Variants in DNAJC15 observed in about 807,000 individuals in gnomAD.
DNAJC15 encodes the protein DnaJ heat shock protein family (Hsp40) member C15, also known as dnaJ homolog subfamily C member 15.
In DNAJC15, 27 loss-of-function variants were observed where a neutral mutation model predicts 22.4. The observed-to-expected ratio is 1.20, with a 90% CI of 0.89 to 1.66. DNAJC15 has a LOEUF of 1.66. DNAJC15 is among the 40% of genes most tolerant of loss of function. The pLI is 0.00. For missense variants in DNAJC15, 208 were observed against 187.1 expected, an observed-to-expected ratio of 1.11 and a Z score of -0.65; for synonymous variants, 79 against 63.2, an observed-to-expected ratio of 1.25 and a Z score of -1.19.
chr13:43,043,424 A>G (rs2040462758), intron 1 of DNAJC15, among the ~76,000 whole-genome samples: 1 of 152,204 alleles, frequency 6.6e-6, no homozygotes, highest in South Asian at 2.1e-4. Context: ...AGCTTCTTAT[A>G]TTATGAGAAA....
At chr13:43,101,976 G>C (rs374630540) in intron 5 of DNAJC15, among the ~76,000 whole-genome samples, 2 of 152,080 alleles carry the variant, frequency 1.3e-5, no homozygotes, top group African/African-American at 4.8e-5. Flanking sequence ...TCAAATGGCA[G>C]GTCTTTTAGT....
chr13:43,107,291 G>GAAAAA lies in DNAJC15; in HGVS notation c.*51_*55dup. ...GAAGGAAAAAAAAAGAGGGGACTTC[G>GAAAAA]AAAAAAAAAAAAGCCCTGCAAAATA... On this transcript the variant is annotated 3_prime_UTR_variant, in exon 6 of 6. Transcript: ENST00000379221. 8.1e-7 allele frequency: 1 copy of GAAAAA among 1,235,512 alleles called. No individual in the cohort carries two copies. The highest frequency in any genetic ancestry group is 1.1e-6 in the Non-Finnish European group (1 of 941,072). The allele number at this position is 1,235,512 out of a possible 1,614,324, so 76.5% of individuals were successfully genotyped here. A position where few individuals can be genotyped will look rare whatever the true frequency, so the allele number is the denominator to read the frequency against.
chr13:43,052,557 C>T lies in DNAJC15; in HGVS notation c.109-13129C>T, dbSNP rs1431191515. Reference sequence around the variant, plus strand: ...CTCAACCTCCCAAGTAGCTGGATTACAGGTGCCTGCCACTACACCTGGCTA... The same window carrying T: ...CTCAACCTCCCAAGTAGCTGGATTATAGGTGCCTGCCACTACACCTGGCTA... On this transcript the variant is annotated intron_variant, in intron 1 of 5. Coordinates refer to ENST00000379221, the MANE Select transcript of DNAJC15 (RefSeq NM_013238.3). 1.1e-4 allele frequency among the ~76,000 whole-genome samples: 16 copies of T among 151,920 alleles called. 1 individual carries two copies. Among genetic ancestry groups the T allele is most frequent in the Admixed American group, 1.1e-3 (16 of 15,230 alleles).
chr13:43,102,822 G>T (rs1370471892), intron 5 of DNAJC15, among the ~76,000 whole-genome samples: 4 of 151,940 alleles, frequency 2.6e-5, no homozygotes, highest in Non-Finnish European at 4.4e-5. Flanking sequence ...ATTTTCATTA[G>T]GGTTTGTTAT....
chr13:43,026,669 G>A (rs1317456137), intron 1 of DNAJC15, among the ~76,000 whole-genome samples: 7 of 140,502 alleles, frequency 5.0e-5, no homozygotes, highest in African/African-American at 1.9e-4. Context: ...AGAAAATAAT[G>A]TTTGTCAATG....
chr13:43,035,535 G>C (rs1212830956), intron 1 of DNAJC15, among the ~76,000 whole-genome samples: 3 of 152,156 alleles, frequency 2.0e-5, no homozygotes, highest in Non-Finnish European at 4.4e-5. Context: ...AGGGAGAAAA[G>C]AATGGTACTT....
intron 4 of DNAJC15, among the ~76,000 whole-genome samples, chr13:43,085,465 A>C (rs1183665631): frequency 6.6e-6 from 1 of 152,138 alleles, no homozygotes; most frequent in Non-Finnish European, 1.5e-5. Flanking sequence ...TAGAAGCATA[A>C]GTTTTCAAAC....
chr13:43,037,883 A>G (rs2040435886), intron 1 of DNAJC15, among the ~76,000 whole-genome samples: 1 of 152,232 alleles, frequency 6.6e-6, no homozygotes, highest in South Asian at 2.1e-4. Flanking sequence ...TATTTCTTTG[A>G]TTCTAAAGTC....
At chr13:43,084,577 A>G (rs1348622627) in intron 4 of DNAJC15, among the ~76,000 whole-genome samples, 2 of 152,222 alleles carry the variant, frequency 1.3e-5, no homozygotes, top group Non-Finnish European at 2.9e-5. Flanking sequence ...TAAGTCAACT[A>G]TTATTATCCC....
At chr13:43,090,372 A>G (rs2040708337) in intron 5 of DNAJC15, among the ~76,000 whole-genome samples, 1 of 152,228 alleles carries the variant, frequency 6.6e-6, no homozygotes, top group South Asian at 2.1e-4. Context: ...CAGTTTGTGT[A>G]AGTACTAAGT....
chr13:43,031,757 T>C lies in DNAJC15; in HGVS notation c.108+8023T>C, dbSNP rs190333856. The stretch of plus-strand genomic sequence containing the variant: ...TGTGCAAAGTCACACATTTGAGAAG[T>C]AGATGAATCCCAGAGGTACTCTGCT... On this transcript the variant is annotated intron_variant, in intron 1 of 5. Transcript: ENST00000379221. Among the ~76,000 whole-genome samples the C allele has an allele frequency of 2.0e-5, 3 of 152,350 alleles. No homozygotes were observed. The East Asian group carries it at 5.8e-4, about 29-fold the overall frequency.
chr13:43,078,659 G>A lies in DNAJC15; in HGVS notation c.282G>A (p.Arg94=), dbSNP rs760485846. 104 of 1,613,432 alleles carry A rather than the reference G, an allele frequency of 6.4e-5. 1 individual carries two copies. Among genetic ancestry groups the A allele is most frequent in the Admixed American group, 1.7e-5 (1 of 59,992 alleles). Residue 94 remains arginine, a synonymous_variant, in exon 4 of 6, where the codon AGG becomes AGA. Coordinates refer to ENST00000379221, the MANE Select transcript of DNAJC15 (RefSeq NM_013238.3). ...YKGGFEQKMS[R]REAGLILGVS... Reference sequence around the variant, plus strand: ...GAGGATTTGAACAGAAAATGAGTAGGCGAGAAGCTGGTCTTATTTTAGGTG... The same window carrying A: ...GAGGATTTGAACAGAAAATGAGTAGACGAGAAGCTGGTCTTATTTTAGGTG...
intron 5 of DNAJC15, among the ~76,000 whole-genome samples, chr13:43,095,006 G>A (rs1338931909): frequency 6.6e-6 from 1 of 152,158 alleles, no homozygotes; most frequent in Non-Finnish European, 1.5e-5. Flanking sequence ...GGGTTTTTTA[G>A]TGGTTGTTTC....
intron 1 of DNAJC15, among the ~76,000 whole-genome samples, chr13:43,040,021 AAG>A (rs200220444): frequency 5.0e-5 from 6 of 119,922 alleles, no homozygotes; most frequent in African/African-American, 1.3e-4. Flanking sequence ...TCTGTCTCAA[AAG>A]AGAGAGAGAG....
At chr13:43,097,184 T>G (rs987074223) in intron 5 of DNAJC15, among the ~76,000 whole-genome samples, 2 of 152,218 alleles carry the variant, frequency 1.3e-5, no homozygotes, top group Non-Finnish European at 2.9e-5. Context: ...GCTGATTTAC[T>G]TATAGCCTTC....
chr13:43,064,005 C>T (rs1477442288), intron 1 of DNAJC15, among the ~76,000 whole-genome samples: 1 of 152,204 alleles, frequency 6.6e-6, no homozygotes. Context: ...TAACCTATTT[C>T]AGGCAGGCTA....
chr13:43,046,392 G>A (rs2040477196), intron 1 of DNAJC15, among the ~76,000 whole-genome samples: 2 of 152,228 alleles, frequency 1.3e-5, no homozygotes, highest in South Asian at 4.1e-4. Context: ...AGACATCTCG[G>A]TGGTGGTGAG....
At chr13:43,078,028 C>A (rs2040642448) in intron 3 of DNAJC15, among the ~76,000 whole-genome samples, 1 of 152,168 alleles carries the variant, frequency 6.6e-6, no homozygotes, top group Admixed American at 6.5e-5. Context: ...GCTTCTCCTC[C>A]CACTTAAAAT....
intron 1 of DNAJC15, among the ~76,000 whole-genome samples, chr13:43,063,697 T>C (rs949660018): frequency 2.6e-5 from 4 of 152,190 alleles, no homozygotes; most frequent in Admixed American, 2.0e-4. Flanking sequence ...CTGTGTATAT[T>C]TGGATATGTG....
Sources: gnomAD v4.1 joint callset for allele counts (sites outside exome capture counted in the v4.1 genomes callset) on GRCh38, gnomAD v4.1.1 for gene constraint, MANE v1.5 for transcripts, NCBI Gene and HGNC (gene_info 2026-07-23, HGNC 2026-07-21) for gene names.